The following MAGI2 variants were observed in gnomAD, a reference collection of about 807,000 sequenced individuals.
MAGI2 encodes membrane-associated guanylate kinase, WW and PDZ domain-containing protein 2.
Under a neutral mutation model 133.3 loss-of-function variants are expected in MAGI2, and 35 were observed. The ratio of observed to expected loss-of-function variants is 0.26; its 90% CI spans 0.20 to 0.35. MAGI2 has a LOEUF of 0.35. Ranked by LOEUF, MAGI2 falls within the 10% of genes least tolerant of loss-of-function variation. MAGI2 has a pLI of 1.00. For missense variants in MAGI2, 1,636 were observed against 1,863.4 expected (o/e 0.88, Z 2.25); for synonymous variants, 729 against 710.6 (o/e 1.03, Z -0.41).
intron 1 of MAGI2, chr7:79,343,250 T>C (rs994065950): frequency 6.6e-5 from 10 of 152,222 alleles, no homozygotes; most frequent in African/African-American, 2.4e-4. Context: ...CTTTGTAATT[T>C]TGGGGGGTAA....
intron 6 of MAGI2, among the ~76,000 whole-genome samples, chr7:78,371,737 A>G (rs11764199): frequency 0.82 from 124,968 of 151,996 alleles, 51,496 homozygotes; most frequent in Admixed American, 0.86. Context: ...GGGAGAATCT[A>G]CTTTATTTTT....
At chr7:78,733,015 C>T (rs546143126) in intron 2 of MAGI2, among the ~76,000 whole-genome samples, 1 of 151,932 alleles carries the variant, frequency 6.6e-6, no homozygotes, top group Admixed American at 6.6e-5. Flanking sequence ...GGAGTAAGAG[C>T]CTTAAGGGGC....
intron 6 of MAGI2, among the ~76,000 whole-genome samples, chr7:78,449,948 G>A (rs540170395): frequency 5.8e-4 from 89 of 152,164 alleles, no homozygotes; most frequent in Admixed American, 3.4e-3. Flanking sequence ...CGATAACACT[G>A]TCTTAGAGGA....
intron 2 of MAGI2, among the ~76,000 whole-genome samples, chr7:78,817,581 A>C (rs1440635568): frequency 6.6e-6 from 1 of 152,194 alleles, no homozygotes; most frequent in East Asian, 1.9e-4. Context: ...AAGAACCCCC[A>C]TTGGCAACCA....
At chr7:78,748,088 A>G (rs1823096410) in intron 2 of MAGI2, among the ~76,000 whole-genome samples, 1 of 152,022 alleles carries the variant, frequency 6.6e-6, no homozygotes, top group African/African-American at 2.4e-5. Context: ...AAGAGACCAT[A>G]CTAATTACCA....
chr7:78,412,375 G>C (rs528134199), intron 6 of MAGI2, among the ~76,000 whole-genome samples: 1 of 152,038 alleles, frequency 6.6e-6, no homozygotes, highest in Non-Finnish European at 1.5e-5. Flanking sequence ...AAATGATCAC[G>C]GTGCTTGAGG....
intron 1 of MAGI2, among the ~76,000 whole-genome samples, chr7:79,304,181 A>ATGTGTGTGTGTG (rs373644525): frequency 0.03 from 4,202 of 142,154 alleles, 214 homozygotes; most frequent in African/African-American, 0.096. Flanking sequence ...TTCAACTGGG[A>ATGTGTGTGTGTG]TGTGTGTGTG....
rs576576741 is a variant in MAGI2, at chr7:78,190,439, T to C, written c.2269+4435A>G. ...ACAGTAATGATGATTATTCCTTGAATAGAGTATATAAAAAAGGAAAATTTT... is the reference window on the plus strand; with the variant it reads ...ACAGTAATGATGATTATTCCTTGAACAGAGTATATAAAAAAGGAAAATTTT... On this transcript the variant is annotated intron_variant, in intron 12 of 21. Transcript: ENST00000354212. 3.3e-5 allele frequency among the ~76,000 whole-genome samples: 5 copies of C among 152,322 alleles called. No homozygotes were observed. The East Asian group carries it at 9.6e-4, about 29-fold the overall frequency.
chr7:78,798,243 C>CA (rs1787775116), intron 2 of MAGI2, among the ~76,000 whole-genome samples: 1 of 152,088 alleles, frequency 6.6e-6, no homozygotes, highest in African/African-American at 2.4e-5. Context: ...GTTCATCTTA[C>CA]AGGAGAAATT....
chr7:78,987,101 T>C (rs1385822121), intron 2 of MAGI2, among the ~76,000 whole-genome samples: 2 of 152,044 alleles, frequency 1.3e-5, no homozygotes, highest in African/African-American at 4.8e-5. Flanking sequence ...GGGCATTAAT[T>C]TTCATACAGA....
At chr7:79,367,647 GT>G (rs992774921) in intron 1 of MAGI2, among the ~76,000 whole-genome samples, 2 of 151,792 alleles carry the variant, frequency 1.3e-5, no homozygotes, top group Non-Finnish European at 2.9e-5. Flanking sequence ...TAATCTGTAT[GT>G]TTTTAGCACA....
At chr7:79,380,241 C>A (rs1843685229) in intron 1 of MAGI2, among the ~76,000 whole-genome samples, 1 of 151,878 alleles carries the variant, frequency 6.6e-6, no homozygotes, top group African/African-American at 2.4e-5. Flanking sequence ...TTTTTGCAAT[C>A]TACTCATCTG....
At chr7:78,621,989 T>C (rs1807793856) in intron 3 of MAGI2, among the ~76,000 whole-genome samples, 1 of 152,062 alleles carries the variant, frequency 6.6e-6, no homozygotes, top group Non-Finnish European at 1.5e-5. Flanking sequence ...CACCATAAAA[T>C]TGGCTTTCTC....
intron 20 of MAGI2, among the ~76,000 whole-genome samples, chr7:78,113,140 G>A (rs373019206): frequency 9.5e-6 from 1 of 104,768 alleles, no homozygotes; most frequent in African/African-American, 3.1e-5. Context: ...GAGGGGGACT[G>A]GGGATAGAAC....
chr7:78,367,100 A>AACACACACACACACACACAC (rs6150177), intron 7 of MAGI2, among the ~76,000 whole-genome samples: 1,495 of 146,854 alleles, frequency 0.01, 15 homozygotes, highest in Middle Eastern at 0.017. Context: ...AATGTAGGCA[A>AACACACACACACACACACAC]ACACACACAC....
intron 20 of MAGI2, among the ~76,000 whole-genome samples, chr7:78,124,696 A>G (rs1820795271): frequency 6.6e-6 from 1 of 152,160 alleles, no homozygotes; most frequent in African/African-American, 2.4e-5. Context: ...ACACACACAC[A>G]CAAACACACA....
At chr7:78,487,231 T>C (rs572591648) in intron 6 of MAGI2, 2 of 217,914 alleles carry the variant, frequency 9.2e-6, no homozygotes, top group Admixed American at 5.0e-5. Context: ...TTTCTAAGGC[T>C]GCACAGGGAA....
intron 5 of MAGI2, among the ~76,000 whole-genome samples, chr7:78,490,884 G>T (rs1178322670): frequency 1.3e-5 from 2 of 152,052 alleles, no homozygotes; most frequent in African/African-American, 4.8e-5. Context: ...CAAAGGCACA[G>T]GTGTGGGAAA....
chr7:78,258,569 T>C lies in MAGI2; in HGVS notation c.1409-1988A>G, dbSNP rs572524564. Among the ~76,000 whole-genome samples, 5 of 152,268 alleles carry C rather than the reference T, an allele frequency of 3.3e-5. No individual in the cohort carries two copies. In the East Asian group the frequency reaches 9.6e-4, roughly 29 times the overall value. The stretch of plus-strand genomic sequence containing the variant: ...CTATTTGAGGTTTGTTATTTACATA[T>C]ACCTTTATAATTTATATCATATCTA... On this transcript the variant is annotated intron_variant, in intron 9 of 21. Coordinates refer to ENST00000354212, the MANE Select transcript of MAGI2 (RefSeq NM_012301.4).
Sources: allele counts gnomAD v4.1 joint callset (sites outside exome capture counted in the v4.1 genomes callset), GRCh38; gene constraint gnomAD v4.1.1; transcripts MANE v1.5; gene names NCBI Gene and HGNC (gene_info 2026-07-23, HGNC 2026-07-21).